GSK3B: variants seen among roughly 807,000 people sequenced by gnomAD.
GSK3B encodes glycogen synthase kinase-3 beta.
In GSK3B, 15 loss-of-function variants were observed where a neutral mutation model predicts 56.4. The ratio of observed to expected loss-of-function variants is 0.27; its 90% CI spans 0.18 to 0.41. The LOEUF (loss-of-function observed/expected upper bound fraction) is 0.41. Ranked by LOEUF, GSK3B falls within the 10% of genes least tolerant of loss-of-function variation. The pLI is 1.00. For missense variants in GSK3B, 300 were observed against 513.4 expected (o/e 0.58, Z 4.02); for synonymous variants, 181 against 188.9 (o/e 0.96, Z 0.34).
chr3:119,874,657 A>C (rs919878092), intron 8 of GSK3B, among the ~76,000 whole-genome samples: 4 of 149,346 alleles, frequency 2.7e-5, no homozygotes, highest in African/African-American at 9.7e-5. Context: ...CTTAGATTAC[A>C]CCAAAAAAAG....
At chr3:119,829,444 A>C (rs2055565263) in intron 10 of GSK3B, among the ~76,000 whole-genome samples, 1 of 152,198 alleles carries the variant, frequency 6.6e-6, no homozygotes. Context: ...TATGGGAGGC[A>C]CTGATCATCA....
chr3:120,016,808 T>C (rs2057831749), intron 1 of GSK3B, among the ~76,000 whole-genome samples: 2 of 152,178 alleles, frequency 1.3e-5, no homozygotes, highest in Admixed American at 6.5e-5. Flanking sequence ...AACTTAAATA[T>C]TATTTTACTT....
intron 8 of GSK3B, among the ~76,000 whole-genome samples, chr3:119,865,814 C>T (rs1048436034): frequency 9.9e-5 from 15 of 151,978 alleles, no homozygotes; most frequent in African/African-American, 3.6e-4. Flanking sequence ...TGGTGTTTTA[C>T]TGCCTACAAG....
At chr3:119,846,810 C>G (rs1204459571) in intron 9 of GSK3B, among the ~76,000 whole-genome samples, 4 of 152,180 alleles carry the variant, frequency 2.6e-5, no homozygotes, top group African/African-American at 9.7e-5. Flanking sequence ...GATTATAAAT[C>G]ATTCTACTAT....
At chr3:119,982,964 C>T (rs915057393) in intron 2 of GSK3B, among the ~76,000 whole-genome samples, 21 of 152,088 alleles carry the variant, frequency 1.4e-4, no homozygotes, top group Non-Finnish European at 5.9e-5. Flanking sequence ...AGAGAAAGGT[C>T]GAGTTAATCA....
At chr3:119,943,993 A>G (rs949482527) in intron 3 of GSK3B, among the ~76,000 whole-genome samples, 1 of 152,198 alleles carries the variant, frequency 6.6e-6, no homozygotes, top group African/African-American at 2.4e-5. Flanking sequence ...AAAGGGCTAG[A>G]GAAAGAGACT....
At chr3:120,072,695 T>C (rs2058336585) in intron 1 of GSK3B, among the ~76,000 whole-genome samples, 2 of 152,222 alleles carry the variant, frequency 1.3e-5, no homozygotes, top group African/African-American at 4.8e-5. Flanking sequence ...TTCAAAGTTT[T>C]CAATTTCTGG....
At chr3:119,846,602 C>T (rs760928518) in intron 9 of GSK3B, among the ~76,000 whole-genome samples, 20 of 152,172 alleles carry the variant, frequency 1.3e-4, no homozygotes, top group Non-Finnish European at 2.5e-4. Context: ...CCATCTCACA[C>T]TAGTTAGAAT....
chr3:119,841,874 T>A (rs1322270971), intron 10 of GSK3B, among the ~76,000 whole-genome samples: 1 of 152,198 alleles, frequency 6.6e-6, no homozygotes, highest in Admixed American at 6.5e-5. Flanking sequence ...ATTAGCAACA[T>A]TTTAAAAGTT....
At position 119,872,888 on chromosome 3, in the gene GSK3B, C is replaced by T. The variant is rs189888594; in HGVS notation, c.909+3525G>A. ...TATATAATAGCCCATCATTTAACCA[C>T]ACCTGCACATACTAAATGCAGAATT... On this transcript the variant is annotated intron_variant, in intron 8 of 10. Coordinates refer to ENST00000264235, the MANE Select transcript of GSK3B (RefSeq NM_001146156.2). Among the ~76,000 whole-genome samples, 26 of 152,280 alleles carry T rather than the reference C, an allele frequency of 1.7e-4. No individual in the cohort carries two copies. The East Asian group carries it at 4.8e-3, about 28-fold the overall frequency.
intron 2 of GSK3B, among the ~76,000 whole-genome samples, chr3:119,999,902 G>A (rs1473774970): frequency 6.6e-6 from 1 of 152,234 alleles, no homozygotes; most frequent in Non-Finnish European, 1.5e-5. Context: ...GCGTACACAA[G>A]TAAACTAGGC....
At chr3:119,944,380 A>C (rs1479448722) in intron 3 of GSK3B, among the ~76,000 whole-genome samples, 1 of 152,152 alleles carries the variant, frequency 6.6e-6, no homozygotes, top group Non-Finnish European at 1.5e-5. Context: ...GAAAACTGAA[A>C]CCTCAAGAAG....
At chr3:120,012,625 A>G (rs1381300435) in intron 1 of GSK3B, among the ~76,000 whole-genome samples, 1 of 152,222 alleles carries the variant, frequency 6.6e-6, no homozygotes, top group African/African-American at 2.4e-5. Flanking sequence ...ACGCAATGAA[A>G]AGACGGTATA....
chr3:119,917,659 CTTTTT>C (rs552373286), intron 4 of GSK3B, among the ~76,000 whole-genome samples: 38 of 123,622 alleles, frequency 3.1e-4, no homozygotes, highest in Non-Finnish European at 5.7e-4. Context: ...AACGAGTTTT[CTTTTT>C]TTTTTTTAAA....
chr3:120,072,586 T>A (rs866375421), intron 1 of GSK3B, among the ~76,000 whole-genome samples: 1 of 151,994 alleles, frequency 6.6e-6, no homozygotes, highest in Non-Finnish European at 1.5e-5. Flanking sequence ...CTCAAAAAAA[T>A]AATAATAATA....
chr3:119,976,765 C>CA (rs563133631), intron 2 of GSK3B, among the ~76,000 whole-genome samples: 4,787 of 83,024 alleles, frequency 0.058, 135 homozygotes, highest in East Asian at 0.17. Context: ...CCACTCCCCA[C>CA]AAAAAAAAAA....
intron 2 of GSK3B, among the ~76,000 whole-genome samples, chr3:119,952,487 CA>C (rs59526500): frequency 0.52 from 49,701 of 95,928 alleles, 9,832 homozygotes; most frequent in African/African-American, 0.7. Flanking sequence ...GACTCTGTCT[CA>C]AAAAAAAAAA....
At chr3:119,878,557 T>C (rs188773947) in intron 7 of GSK3B, among the ~76,000 whole-genome samples, 96 of 152,312 alleles carry the variant, frequency 6.3e-4, no homozygotes, top group African/African-American at 2.1e-3. Context: ...TGGAAGTTTC[T>C]TAAAAGTTAA....
At chr3:119,889,424 G>T (rs958014434) in intron 7 of GSK3B, among the ~76,000 whole-genome samples, 1 of 152,288 alleles carries the variant, frequency 6.6e-6, no homozygotes, top group East Asian at 1.9e-4. Context: ...CAAAGAACAG[G>T]AAGGGGAATG....
Sources: allele counts gnomAD v4.1 joint callset (sites outside exome capture counted in the v4.1 genomes callset), GRCh38; gene constraint gnomAD v4.1.1; transcripts MANE v1.5; gene names NCBI Gene and HGNC (gene_info 2026-07-23, HGNC 2026-07-21).